Variants in UMAD1 observed in about 807,000 individuals in gnomAD.
UMAD1 encodes UBAP1-MVB12-associated (UMA)-domain containing protein 1.
Under a neutral mutation model 6.1 loss-of-function variants are expected in UMAD1, and 8 were observed. That is an observed-to-expected ratio of 1.30 (90% CI 0.76 to 2.35). The LOEUF (loss-of-function observed/expected upper bound fraction) is 2.35. Ranked by LOEUF, UMAD1 falls within the 30% of genes most tolerant of loss-of-function variation. UMAD1 has a pLI of 0.00. For missense variants in UMAD1, 130 were observed against 78.4 expected, an observed-to-expected ratio of 1.66 and a Z score of -2.49; for synonymous variants, 56 against 31.4, an observed-to-expected ratio of 1.78 and a Z score of -2.61.
chr7:7,685,237 A>G (rs188863721), intron 2 of UMAD1, among the ~76,000 whole-genome samples: 3 of 151,810 alleles, frequency 2.0e-5, no homozygotes, highest in Admixed American at 2.0e-4. Flanking sequence ...CATATTGAGC[A>G]TCTGTTTTTT....
intron 2 of UMAD1, among the ~76,000 whole-genome samples, chr7:7,716,669 G>A (rs531856673): frequency 3.3e-5 from 5 of 152,368 alleles, no homozygotes; most frequent in Admixed American, 6.5e-5. Flanking sequence ...CGGCGCGGCC[G>A]GCGCGGTGGC....
rs185426985 is a variant in UMAD1 at position 7,812,027 on chromosome 7, G to A, written c.156+10284G>A. 2.3e-4 allele frequency among the ~76,000 whole-genome samples: 35 copies of A among 152,204 alleles called. No individual in the cohort carries two copies. The East Asian group carries it at 3.9e-3, about 17-fold the overall frequency. On this transcript the variant is annotated intron_variant, in intron 3 of 3. Transcript: ENST00000682710. ...CTCAAAGTTTGTGAAGGTCTTTTTC[G>A]TAACTTCAAATTTGTACATTTTTGT...
chr7:7,751,435 C>G (rs1204309839), intron 2 of UMAD1, among the ~76,000 whole-genome samples: 1 of 152,144 alleles, frequency 6.6e-6, no homozygotes, highest in Non-Finnish European at 1.5e-5. Flanking sequence ...TTTTGGTTAA[C>G]TAAGATTTCA....
At chr7:7,691,594 G>C (rs568339512) in intron 2 of UMAD1, among the ~76,000 whole-genome samples, 2 of 152,214 alleles carry the variant, frequency 1.3e-5, no homozygotes, top group African/African-American at 4.8e-5. Context: ...ACGCATTTCA[G>C]ATCATTTTGC....
chr7:7,691,038 C>T (rs1347375213), intron 2 of UMAD1, among the ~76,000 whole-genome samples: 1 of 152,172 alleles, frequency 6.6e-6, no homozygotes, highest in Non-Finnish European at 1.5e-5. Context: ...CAGCATGGTA[C>T]AAACCTGTAT....
chr7:7,851,772 T>G (rs1008754298), intron 3 of UMAD1, among the ~76,000 whole-genome samples: 1 of 152,230 alleles, frequency 6.6e-6, no homozygotes, highest in Non-Finnish European at 1.5e-5. Flanking sequence ...AAATATATTC[T>G]AGATGCAAGT....
chr7:7,839,694 T>C (rs1302711261), intron 3 of UMAD1, among the ~76,000 whole-genome samples: 1 of 152,188 alleles, frequency 6.6e-6, no homozygotes, highest in African/African-American at 2.4e-5. Flanking sequence ...ACAAAGTTCT[T>C]AAGAAGCAAT....
At chr7:7,817,191 A>C (rs549941720) in intron 3 of UMAD1, among the ~76,000 whole-genome samples, 81 of 152,134 alleles carry the variant, frequency 5.3e-4, no homozygotes, top group African/African-American at 1.9e-3. Flanking sequence ...CATCCTTCAA[A>C]CCCCTGCTCA....
intron 3 of UMAD1, among the ~76,000 whole-genome samples, chr7:7,807,491 G>A (rs1782940941): frequency 1.3e-5 from 2 of 152,084 alleles, no homozygotes; most frequent in East Asian, 3.8e-4. Context: ...TAAAATATTT[G>A]TTAAGTGTCT....
chr7:7,676,301 G>A (rs1008038797), intron 2 of UMAD1: 3 of 394,982 alleles, frequency 7.6e-6, no homozygotes, highest in African/African-American at 6.2e-5. Flanking sequence ...GAATAAATGA[G>A]TTAATGTGTG....
At chr7:7,792,013 G>T (rs1268644692) in intron 2 of UMAD1, among the ~76,000 whole-genome samples, 1 of 152,138 alleles carries the variant, frequency 6.6e-6, no homozygotes, top group African/African-American at 2.4e-5. Flanking sequence ...TTAGCTCTTA[G>T]TGAGTGTGTA....
chr7:7,839,630 C>G (rs1783638139), intron 3 of UMAD1, among the ~76,000 whole-genome samples: 1 of 152,034 alleles, frequency 6.6e-6, no homozygotes, highest in African/African-American at 2.4e-5. Flanking sequence ...TAGGAATGAT[C>G]CGGGAGAGAG....
intron 3 of UMAD1, among the ~76,000 whole-genome samples, chr7:7,848,649 T>C (rs766362384): frequency 2.6e-5 from 4 of 152,124 alleles, no homozygotes; most frequent in Non-Finnish European, 5.9e-5. Context: ...GAGAGATTTA[T>C]GAAATCTTGC....
At chr7:7,695,538 A>T (rs1780291399) in intron 2 of UMAD1, among the ~76,000 whole-genome samples, 1 of 152,198 alleles carries the variant, frequency 6.6e-6, no homozygotes, top group African/African-American at 2.4e-5. Flanking sequence ...CTAAATGTTT[A>T]GTCTCAGAGC....
intron 2 of UMAD1, among the ~76,000 whole-genome samples, chr7:7,778,043 G>T (rs982582699): frequency 6.6e-6 from 1 of 152,062 alleles, no homozygotes; most frequent in East Asian, 1.9e-4. Flanking sequence ...CTTCTTATTC[G>T]CTATCAGTGT....
chr7:7,686,775 A>G lies in UMAD1; in HGVS notation c.82+13322A>G, dbSNP rs534573040. Among the ~76,000 whole-genome samples the G allele has an allele frequency of 5.9e-5, 9 of 152,286 alleles. No individual in the cohort carries two copies. In the South Asian group the frequency reaches 1.0e-3, roughly 18 times the overall value. On this transcript the variant is annotated intron_variant, in intron 2 of 3. Transcript: ENST00000682710. ...CTTTCCATGTGGCCGTTTTCCAGTT[A>G]GGTGTGAAGATTATGATGAAGTTTC...
chr7:7,741,948 T>A, intron 2 of UMAD1: 1 of 273,750 alleles, frequency 3.7e-6, no homozygotes, highest in Non-Finnish European at 7.2e-6. Context: ...CGTTTTATAG[T>A]TATAGTGTTG....
chr7:7,819,339 T>C (rs1323496201), intron 3 of UMAD1, among the ~76,000 whole-genome samples: 2 of 152,206 alleles, frequency 1.3e-5, no homozygotes, highest in Admixed American at 6.5e-5. Context: ...TTTTGATGTA[T>C]CAAATAACAT....
At chr7:7,676,682 A>G (rs1028854127) in intron 2 of UMAD1, among the ~76,000 whole-genome samples, 3 of 152,156 alleles carry the variant, frequency 2.0e-5, no homozygotes, top group East Asian at 1.9e-4. Flanking sequence ...ACTTTTTACT[A>G]TTTAATAGTT....
Sources: allele counts gnomAD v4.1 joint callset (sites outside exome capture counted in the v4.1 genomes callset), GRCh38; gene constraint gnomAD v4.1.1; transcripts MANE v1.5; gene names NCBI Gene and HGNC (gene_info 2026-07-23, HGNC 2026-07-21).